TIAM1: variants seen among roughly 807,000 people sequenced by gnomAD.
The protein encoded by TIAM1 is TIAM Rac1 associated GEF 1.
In TIAM1, 65 loss-of-function variants were observed where a neutral mutation model predicts 163.5. The ratio of observed to expected loss-of-function variants is 0.40; its 90% CI spans 0.33 to 0.49. The LOEUF (loss-of-function observed/expected upper bound fraction) is 0.49, where lower values mean the gene tolerates loss of function less well. Among genes scored for constraint, TIAM1 ranks in the 20% least tolerant of loss-of-function variants. The pLI is 0.77. For synonymous variants in TIAM1, 833 were observed against 810.1 expected, an observed-to-expected ratio of 1.03 and a Z score of -0.48; for missense variants, 1,789 against 2,044.7, an observed-to-expected ratio of 0.87 and a Z score of 2.41.
At chr21:31,451,323 G>A (rs2044830760) in intron 2 of TIAM1, among the ~76,000 whole-genome samples, 1 of 152,160 alleles carries the variant, frequency 6.6e-6, no homozygotes, top group Non-Finnish European at 1.5e-5. Context: ...CCAAACAGCA[G>A]CATGTTTGAT....
intron 1 of TIAM1, among the ~76,000 whole-genome samples, chr21:31,517,983 G>A (rs1053710355): frequency 2.0e-5 from 3 of 152,060 alleles, no homozygotes; most frequent in African/African-American, 4.8e-5. Context: ...AGCCCTCACC[G>A]CCCCTTCGAG....
chr21:31,230,732 C>T (rs910172289), intron 6 of TIAM1, among the ~76,000 whole-genome samples: 2 of 152,146 alleles, frequency 1.3e-5, no homozygotes, highest in African/African-American at 4.8e-5. Flanking sequence ...CAGGGTTTCA[C>T]CATGTTGGCC....
intron 2 of TIAM1, among the ~76,000 whole-genome samples, chr21:31,356,410 A>C (rs757102515): frequency 6.6e-6 from 1 of 151,850 alleles, no homozygotes; most frequent in Admixed American, 6.6e-5. Flanking sequence ...TCAATCTCAT[A>C]CTCTGTTAGG....
In TIAM1 at chr21:31,155,574, A is replaced by C. The variant is rs911093264; in HGVS notation, c.2992-1148T>G. The stretch of plus-strand genomic sequence containing the variant: ...GGCTGGAGTGCAGTGGTGCGATCTC[A>C]GCTCACAGCAAGCTCCACCTTCCGG... On this transcript the variant is annotated intron_variant, in intron 16 of 27. Transcript: ENST00000541036. Among the ~76,000 whole-genome samples the C allele has an allele frequency of 2.0e-5, 3 of 151,724 alleles. No individual in the cohort carries two copies. In the South Asian group the frequency reaches 6.2e-4, roughly 32 times the overall value.
upstream of TIAM1, among the ~76,000 whole-genome samples, chr21:31,348,307 C>T (rs1281570052): frequency 6.6e-6 from 1 of 152,210 alleles, no homozygotes; most frequent in Non-Finnish European, 1.5e-5. Context: ...TCCACCTTTT[C>T]AAGCCTTCAT....
chr21:31,462,558 CT>C (rs574530146), intron 2 of TIAM1, among the ~76,000 whole-genome samples: 176 of 152,248 alleles, frequency 1.2e-3, no homozygotes, highest in Non-Finnish European at 2.0e-3. Flanking sequence ...GCAATTACTT[CT>C]GCACCAATCT....
intron 1 of TIAM1, among the ~76,000 whole-genome samples, chr21:31,526,604 G>A (rs2047794215): frequency 6.6e-6 from 1 of 152,150 alleles, no homozygotes; most frequent in African/African-American, 2.4e-5. Context: ...GCCACAGGTG[G>A]GAATCGTGAT....
intron 20 of TIAM1, among the ~76,000 whole-genome samples, chr21:31,146,348 C>T (rs2083103982): frequency 6.9e-6 from 1 of 144,962 alleles, no homozygotes; most frequent in African/African-American, 2.6e-5. Context: ...GCAGAAGAAT[C>T]GCTTGACCTG....
At chr21:31,362,160 C>G (rs2076417391) in intron 2 of TIAM1, among the ~76,000 whole-genome samples, 1 of 151,108 alleles carries the variant, frequency 6.6e-6, no homozygotes, top group Non-Finnish European at 1.5e-5. Context: ...CACCCTATCC[C>G]TTTTAAAAAA....
chr21:31,367,476 T>C (rs1190244030), intron 2 of TIAM1, among the ~76,000 whole-genome samples: 1 of 152,186 alleles, frequency 6.6e-6, no homozygotes, highest in Non-Finnish European at 1.5e-5. Flanking sequence ...ATTTGGATTC[T>C]TTTTTTCTTT....
intron 2 of TIAM1, among the ~76,000 whole-genome samples, chr21:31,282,380 C>T (rs77479430): frequency 0.049 from 7,446 of 152,272 alleles, 426 homozygotes; most frequent in African/African-American, 0.14. Flanking sequence ...GTCTTGAAGA[C>T]GCAGGATACT....
chr21:31,242,881 A>T (rs28460516), intron 6 of TIAM1, among the ~76,000 whole-genome samples: 1 of 144,466 alleles, frequency 6.9e-6, no homozygotes, highest in Non-Finnish European at 1.5e-5. Flanking sequence ...AAAAAAAAAG[A>T]AAAAAGAAAA....
intron 1 of TIAM1, among the ~76,000 whole-genome samples, chr21:31,473,145 T>C (rs1351562224): frequency 1.3e-5 from 2 of 152,066 alleles, no homozygotes; most frequent in Admixed American, 6.6e-5. Flanking sequence ...AAAAAGAACA[T>C]GGCAGCCAGG....
chr21:31,316,825 G>C (rs1399408715), intron 2 of TIAM1, among the ~76,000 whole-genome samples: 1 of 152,088 alleles, frequency 6.6e-6, no homozygotes, highest in Non-Finnish European at 1.5e-5. Context: ...GGCCTCTGGG[G>C]AAGTCAAGGT....
chr21:31,161,037 G>C (rs1444607058), intron 16 of TIAM1: 1 of 47,662 alleles, frequency 2.1e-5, no homozygotes, highest in Non-Finnish European at 3.7e-5. Flanking sequence ...AAGAAAAGTT[G>C]TGTGTGTGTG....
chr21:31,508,678 C>T (rs1487590523), intron 1 of TIAM1, among the ~76,000 whole-genome samples: 3 of 152,176 alleles, frequency 2.0e-5, no homozygotes, highest in African/African-American at 7.2e-5. Flanking sequence ...GCATAAACCA[C>T]CGCGCCCAGA....
chr21:31,482,556 T>A (rs777500339), intron 1 of TIAM1, among the ~76,000 whole-genome samples: 1 of 152,216 alleles, frequency 6.6e-6, no homozygotes, highest in Non-Finnish European at 1.5e-5. Context: ...AAGGGCTTAT[T>A]TTCTGGCTCT....
chr21:31,475,202 A>G (rs1385424611), intron 1 of TIAM1, among the ~76,000 whole-genome samples: 1 of 151,866 alleles, frequency 6.6e-6, no homozygotes, highest in Non-Finnish European at 1.5e-5. Context: ...ACAGGTGCAC[A>G]TTATCACATC....
At chr21:31,131,600 T>C (rs2082413719) in intron 23 of TIAM1, among the ~76,000 whole-genome samples, 1 of 152,208 alleles carries the variant, frequency 6.6e-6, no homozygotes, top group South Asian at 2.1e-4. Context: ...GCCAAGCACA[T>C]TTAACCTGCA....
Sources: allele counts gnomAD v4.1 joint callset (sites outside exome capture counted in the v4.1 genomes callset), GRCh38; gene constraint gnomAD v4.1.1; transcripts MANE v1.5; gene names NCBI Gene and HGNC (gene_info 2026-07-23, HGNC 2026-07-21).